ZFYVE28: variants seen among roughly 807,000 people sequenced by gnomAD.
ZFYVE28 encodes the protein zinc finger FYVE-type containing 28.
A neutral mutation model predicts 82.1 loss-of-function variants in ZFYVE28; 40 were observed. The ratio of observed to expected loss-of-function variants is 0.49; its 90% CI spans 0.38 to 0.63. The LOEUF is 0.63. Among genes scored for constraint, ZFYVE28 ranks in the 30% least tolerant of loss-of-function variants. The pLI is 0.00. For missense variants in ZFYVE28, 1,321 were observed against 1,242.1 expected (o/e 1.06, Z -0.96); for synonymous variants, 612 against 546.1 (o/e 1.12, Z -1.68).
At chr4:2,348,829 T>C (rs1723946899) in intron 2 of ZFYVE28, among the ~76,000 whole-genome samples, 1 of 152,186 alleles carries the variant, frequency 6.6e-6, no homozygotes, top group African/African-American at 2.4e-5. Flanking sequence ...CCAAATTCTG[T>C]CTTTTATCTT....
chr4:2,341,547 A>G lies in ZFYVE28; in HGVS notation c.249T>C (p.Asp83=), dbSNP rs1257994349. The G allele has an allele frequency of 6.2e-7, 1 of 1,613,792 alleles. No individual in the cohort carries two copies. Among genetic ancestry groups the G allele is most frequent in the Non-Finnish European group, 8.5e-7 (1 of 1,180,000 alleles). Residue 83 remains aspartate (D), a synonymous_variant, in exon 3 of 13, where the codon GAT becomes GAC. Coordinates refer to ENST00000290974, the MANE Select transcript of ZFYVE28 (RefSeq NM_020972.3). The surrounding 1 kb of genome is among the most constrained non-coding windows in gnomAD (Gnocchi z 4.5). The part of the protein sequence containing the change: ...ECIPQDRAPR[D]FCVKFPEEIR... Reference sequence around the variant, plus strand: ...TCTCCTCAGGGAACTTGACGCAGAAATCTCTGGGGGCGCGGTCCTGGGGGA... The same window carrying G: ...TCTCCTCAGGGAACTTGACGCAGAAGTCTCTGGGGGCGCGGTCCTGGGGGA...
rs1722473208 is a variant in ZFYVE28 at position 2,339,770 on chromosome 4, C to A, written c.319-115G>T. On this transcript the variant is annotated intron_variant, in intron 3 of 12. Coordinates refer to ENST00000290974, the MANE Select transcript of ZFYVE28 (RefSeq NM_020972.3). The surrounding 1 kb of genome is among the most constrained non-coding windows in gnomAD (Gnocchi z 5.0). ...GGGCCCCTCTTCTCACCCCACAGCA[C>A]AGGCCAGCTCGTGTTCCCGGTCCCC... 4.5e-6 allele frequency: 4 copies of A among 893,188 alleles called. No individual in the cohort carries two copies. In the South Asian group the frequency reaches 7.0e-5, roughly 16 times the overall value. 55.3% of individuals were successfully genotyped at this position (893,188 alleles called of 1,614,324 possible).
At chr4:2,411,154 C>A (rs1334740587) in intron 1 of ZFYVE28, among the ~76,000 whole-genome samples, 1 of 151,966 alleles carries the variant, frequency 6.6e-6, no homozygotes, top group Non-Finnish European at 1.5e-5. Flanking sequence ...TGGAGCAAAA[C>A]CCACCCGTGG....
chr4:2,380,819 G>T (rs983425959), intron 1 of ZFYVE28, among the ~76,000 whole-genome samples: 2 of 152,300 alleles, frequency 1.3e-5, no homozygotes, highest in African/African-American at 4.8e-5. Flanking sequence ...CTCCTGCTGT[G>T]ATTCGGAGGC....
At chr4:2,413,094 C>T (rs991255435) in intron 1 of ZFYVE28, among the ~76,000 whole-genome samples, 3 of 152,242 alleles carry the variant, frequency 2.0e-5, no homozygotes, top group Non-Finnish European at 4.4e-5. Context: ...TGCTCGCCCT[C>T]TGTCTGCAGC....
intron 1 of ZFYVE28, among the ~76,000 whole-genome samples, chr4:2,401,891 C>A (rs1731224677): frequency 6.6e-6 from 1 of 152,208 alleles, no homozygotes; most frequent in Non-Finnish European, 1.5e-5. Context: ...ATGAGAAAGA[C>A]CTTTCAAACA....
rs57991672 is a variant in ZFYVE28, at chr4:2,341,747, C to T, written c.181-132G>A. 6.6e-3 allele frequency: 8,696 copies of T among 1,323,744 alleles called. 362 individuals carry two copies. In the African/African-American group the frequency reaches 0.088, roughly 13 times the overall value. 82.0% of individuals were successfully genotyped at this position (1,323,744 alleles called of 1,614,324 possible). A position where few individuals can be genotyped will look rare whatever the true frequency, so the allele number is the denominator to read the frequency against. On this transcript the variant is annotated intron_variant, in intron 2 of 12. Transcript: ENST00000290974. The surrounding 1 kb of genome is among the most constrained non-coding windows in gnomAD (Gnocchi z 4.5). ...TTAAAGTGATAGAGGAGGCTAGGCACGGTGGCTCATGCCTATAATGCCAGC... is the reference window on the plus strand; with the variant it reads ...TTAAAGTGATAGAGGAGGCTAGGCATGGTGGCTCATGCCTATAATGCCAGC...
chr4:2,412,582 G>C (rs187612470), intron 1 of ZFYVE28, among the ~76,000 whole-genome samples: 6 of 152,106 alleles, frequency 3.9e-5, no homozygotes, highest in Admixed American at 3.9e-4. Context: ...GAAAACACTG[G>C]GGAAGCACTG....
chr4:2,303,397 C>T (rs1344981963), intron 8 of ZFYVE28, among the ~76,000 whole-genome samples: 1 of 152,206 alleles, frequency 6.6e-6, no homozygotes, highest in Non-Finnish European at 1.5e-5. Context: ...TCATCCCCAT[C>T]TGCTGCCCGG....
intron 8 of ZFYVE28, among the ~76,000 whole-genome samples, chr4:2,285,051 G>A (rs1426473018): frequency 6.6e-6 from 1 of 152,258 alleles, no homozygotes; most frequent in African/African-American, 2.4e-5. Flanking sequence ...GGTCATCCAG[G>A]AGTAGGGTGG....
At chr4:2,322,854 G>C (rs1719301357) in intron 6 of ZFYVE28, among the ~76,000 whole-genome samples, 1 of 152,144 alleles carries the variant, frequency 6.6e-6, no homozygotes, top group South Asian at 2.1e-4. Context: ...CGTGACCTTT[G>C]TGACCGCTTT....
rs752936569 is a variant in ZFYVE28 at position 2,337,490 on chromosome 4, G to A, written c.528C>T (p.Val176=). The A allele has an allele frequency of 6.2e-7, 1 of 1,605,584 alleles. No homozygotes were observed. The highest frequency in any genetic ancestry group is 8.5e-7 in the Non-Finnish European group (1 of 1,175,634). The change falls in exon 5 of 13, where the codon GTC becomes GTT. Residue 176 remains valine (V), a synonymous_variant. Coordinates refer to ENST00000290974, the MANE Select transcript of ZFYVE28 (RefSeq NM_020972.3). ...VLFAEFELSY[V]SAMVPVKSPR... ...GGGACTTCACAGGCACCATGGCCGA[G>A]ACGTAGCTGCAAACACATGGAGACC...
chr4:2,393,149 A>G (rs1730015644), intron 1 of ZFYVE28, among the ~76,000 whole-genome samples: 1 of 151,794 alleles, frequency 6.6e-6, no homozygotes, highest in Admixed American at 6.6e-5. Flanking sequence ...CCCAGAGGAG[A>G]CCCCCACAGC....
intron 8 of ZFYVE28, among the ~76,000 whole-genome samples, chr4:2,303,570 A>G (rs1715956603): frequency 6.6e-6 from 1 of 152,076 alleles, no homozygotes; most frequent in South Asian, 2.1e-4. Context: ...GGCCCTGACA[A>G]CGCAGCCATG....
At chr4:2,404,915 G>C (rs902010650) in intron 1 of ZFYVE28, among the ~76,000 whole-genome samples, 1 of 145,656 alleles carries the variant, frequency 6.9e-6, no homozygotes, top group African/African-American at 2.6e-5. Flanking sequence ...GCCCAGGCTG[G>C]AGTGCAGTGG....
intron 1 of ZFYVE28, among the ~76,000 whole-genome samples, chr4:2,405,892 T>C (rs1482511066): frequency 6.7e-6 from 1 of 148,898 alleles, no homozygotes. Context: ...CTACTAAAAA[T>C]ATAAAAATTA....
chr4:2,378,627 A>C, intron 1 of ZFYVE28, among the ~76,000 whole-genome samples: 1 of 151,198 alleles, frequency 6.6e-6, no homozygotes. Context: ...AAGCTGCCCG[A>C]CTCCCGGCTG....
At chr4:2,303,955 C>A (rs1199307501) in intron 8 of ZFYVE28, among the ~76,000 whole-genome samples, 1 of 152,238 alleles carries the variant, frequency 6.6e-6, no homozygotes, top group Non-Finnish European at 1.5e-5. Flanking sequence ...CGGCTCACAC[C>A]AGGGGCGGGA....
intron 1 of ZFYVE28, among the ~76,000 whole-genome samples, chr4:2,380,750 T>C (rs538973408): frequency 4.9e-4 from 75 of 152,348 alleles, no homozygotes; most frequent in Admixed American, 1.8e-3. Context: ...TCAGGGGTTT[T>C]CGCTTTTGCA....
Sources: gnomAD v4.1 joint callset for allele counts (sites outside exome capture counted in the v4.1 genomes callset) on GRCh38, gnomAD v4.1.1 for gene constraint, Gnocchi (gnomAD v3.1) non-coding constraint, MANE v1.5 for transcripts, NCBI Gene and HGNC (gene_info 2026-07-23, HGNC 2026-07-21) for gene names.